FAM193A: variants seen among roughly 807,000 people sequenced by gnomAD.
FAM193A encodes the protein family with sequence similarity 193 member A.
In FAM193A, 22 loss-of-function variants were observed where a neutral mutation model predicts 126.5. The observed-to-expected ratio is 0.17, with a 90% CI of 0.12 to 0.25. The LOEUF (loss-of-function observed/expected upper bound fraction) is 0.25, where lower values mean the gene tolerates loss of function less well. FAM193A is among the 10% of genes least tolerant of loss of function. The pLI, the probability that FAM193A is intolerant of heterozygous loss-of-function variation, is 1.00. For missense variants in FAM193A, 1,675 were observed against 1,672.8 expected (o/e 1.00, Z -0.02); for synonymous variants, 761 against 646.8 (o/e 1.18, Z -2.68).
At chr4:2,719,623 T>C (rs1271583321) in intron 20 of FAM193A, among the ~76,000 whole-genome samples, 4 of 149,802 alleles carry the variant, frequency 2.7e-5, no homozygotes, top group African/African-American at 9.9e-5. Flanking sequence ...CGCATGCCTG[T>C]AATCCCAGCT....
intron 1 of FAM193A, among the ~76,000 whole-genome samples, chr4:2,546,357 T>C (rs1191712632): frequency 2.0e-5 from 3 of 152,140 alleles, no homozygotes; most frequent in African/African-American, 7.2e-5. Flanking sequence ...ATATATCTAC[T>C]ACCACAATCA....
At position 2,690,714 on chromosome 4, in the gene FAM193A, G is replaced by C; in HGVS notation, c.2547G>C (p.Gly849=). 6.2e-7 allele frequency: 1 copy of C among 1,613,226 alleles called. No homozygotes were observed. The highest frequency in any genetic ancestry group is 8.5e-7 in the Non-Finnish European group (1 of 1,179,748). Residue 849 remains glycine, a synonymous_variant, in exon 15 of 21, where the codon GGG becomes GGC. Transcript: ENST00000637812. ...PDTISGSEIL[G]PTLSETRPEA... ...TCTTTGAAGGGAGTGAAATATTAGG[G>C]CCAACACTCTCAGAAACAAGACCGG... is the stretch of plus-strand genomic sequence containing the variant.
chr4:2,536,502 G>C (rs1736877455), upstream of FAM193A: 1 of 148,940 alleles, frequency 6.7e-6, no homozygotes, highest in Non-Finnish European at 1.5e-5. Flanking sequence ...TGCGCGCCGA[G>C]GCACGTTAAC....
chr4:2,666,308 C>T (rs1713109734), intron 12 of FAM193A, among the ~76,000 whole-genome samples: 1 of 152,082 alleles, frequency 6.6e-6, no homozygotes, highest in African/African-American at 2.4e-5. Context: ...CGTGGTGTGT[C>T]ACATCAGTTG....
At chr4:2,655,339 C>G (rs545503164) in intron 7 of FAM193A, among the ~76,000 whole-genome samples, 2 of 152,086 alleles carry the variant, frequency 1.3e-5, no homozygotes, top group African/African-American at 2.4e-5. Context: ...GACATTCTTG[C>G]GTTCCTGGGA....
chr4:2,594,308 T>C (rs1740727688), intron 1 of FAM193A, among the ~76,000 whole-genome samples: 1 of 152,154 alleles, frequency 6.6e-6, no homozygotes. Context: ...CAGGGGCCAA[T>C]CCGTTATGTA....
At position 2,692,453 on chromosome 4, in the gene FAM193A, G is replaced by A. The variant is rs540648483; in HGVS notation, c.2804-1133G>A. 3.9e-5 allele frequency among the ~76,000 whole-genome samples: 6 copies of A among 152,262 alleles called. No homozygotes were observed. In the East Asian group the frequency reaches 9.6e-4, roughly 24 times the overall value. The stretch of plus-strand genomic sequence containing the variant: ...CAACCAAACCCTATCACTGGGTACC[G>A]ACAGATTACAAAGGAATGGTGGGTG... On this transcript the variant is annotated intron_variant, in intron 15 of 20. Transcript: ENST00000637812.
At chr4:2,553,555 A>T (rs2108825648) in intron 1 of FAM193A, among the ~76,000 whole-genome samples, 1 of 151,682 alleles carries the variant, frequency 6.6e-6, no homozygotes, top group African/African-American at 2.4e-5. Context: ...TAATTTTTGT[A>T]TTTTTAGTAG....
At chr4:2,574,345 T>G (rs557250616) in intron 1 of FAM193A, among the ~76,000 whole-genome samples, 4 of 152,196 alleles carry the variant, frequency 2.6e-5, no homozygotes, top group Admixed American at 6.5e-5. Flanking sequence ...TTGCTCACCT[T>G]GTGTTGTCTT....
At chr4:2,588,363 G>A (rs944151255) in intron 1 of FAM193A, among the ~76,000 whole-genome samples, 2 of 152,210 alleles carry the variant, frequency 1.3e-5, no homozygotes, top group Non-Finnish European at 2.9e-5. Flanking sequence ...TCAGCCTGGT[G>A]ACTTAGCTTT....
At chr4:2,571,384 T>C (rs992890089) in intron 1 of FAM193A, among the ~76,000 whole-genome samples, 1 of 152,112 alleles carries the variant, frequency 6.6e-6, no homozygotes, top group African/African-American at 2.4e-5. Flanking sequence ...CTGGTACTTG[T>C]TGGCACAGTG....
At chr4:2,647,202 A>G (rs958343347) in intron 7 of FAM193A, among the ~76,000 whole-genome samples, 18 of 151,860 alleles carry the variant, frequency 1.2e-4, no homozygotes, top group African/African-American at 3.6e-4. Context: ...CTGGAGTGCA[A>G]TGGTGAGATC....
intron 2 of FAM193A, among the ~76,000 whole-genome samples, chr4:2,597,801 A>T (rs764144454): frequency 6.6e-6 from 1 of 152,162 alleles, no homozygotes; most frequent in Non-Finnish European, 1.5e-5. Flanking sequence ...AAAAATGTTC[A>T]CTACCACAGC....
intron 1 of FAM193A, among the ~76,000 whole-genome samples, chr4:2,593,433 A>C (rs1192584622): frequency 2.0e-5 from 3 of 152,178 alleles, no homozygotes; most frequent in African/African-American, 7.2e-5. Context: ...GGGTCTCCTC[A>C]AGGAGGCCCT....
chr4:2,690,168 C>T (rs1716202788), intron 14 of FAM193A, among the ~76,000 whole-genome samples: 1 of 152,226 alleles, frequency 6.6e-6, no homozygotes, highest in African/African-American at 2.4e-5. Flanking sequence ...TTACTAGCTC[C>T]TTACTCCCCA....
At chr4:2,572,343 A>T (rs1325182753) in intron 1 of FAM193A, among the ~76,000 whole-genome samples, 2 of 151,388 alleles carry the variant, frequency 1.3e-5, no homozygotes, top group African/African-American at 2.4e-5. Flanking sequence ...AAAAAAAAAA[A>T]AGTCCAAGGT....
At chr4:2,652,767 A>G (rs1745799315) in intron 7 of FAM193A, among the ~76,000 whole-genome samples, 1 of 152,210 alleles carries the variant, frequency 6.6e-6, no homozygotes, top group South Asian at 2.1e-4. Context: ...CTTTCCCTTC[A>G]TGTATCGATA....
At chr4:2,630,425 A>C (rs904555757) in intron 4 of FAM193A, among the ~76,000 whole-genome samples, 2 of 152,194 alleles carry the variant, frequency 1.3e-5, no homozygotes, top group Non-Finnish European at 2.9e-5. Flanking sequence ...GAAAGAAGGA[A>C]AGAGCAGGCT....
intron 1 of FAM193A, among the ~76,000 whole-genome samples, chr4:2,567,586 A>T (rs2108852094): frequency 6.6e-6 from 1 of 152,348 alleles, no homozygotes; most frequent in African/African-American, 2.4e-5. Flanking sequence ...ATTAAAAAGT[A>T]TGTGAGAAGA....
Sources: allele counts gnomAD v4.1 joint callset (sites outside exome capture counted in the v4.1 genomes callset), GRCh38; gene constraint gnomAD v4.1.1; transcripts MANE v1.5; gene names NCBI Gene and HGNC (gene_info 2026-07-23, HGNC 2026-07-21).